TRIP12: variants seen among roughly 807,000 people sequenced by gnomAD.
The protein encoded by TRIP12 is thyroid hormone receptor interactor 12.
A neutral mutation model predicts 244.2 loss-of-function variants in TRIP12; 25 were observed. The observed-to-expected ratio is 0.10, with a 90% CI of 0.07 to 0.14. TRIP12 has a LOEUF of 0.14. Ranked by LOEUF, TRIP12 falls within the 10% of genes least tolerant of loss-of-function variation. The pLI, the probability that TRIP12 is intolerant of heterozygous loss-of-function variation, is 1.00. For synonymous variants in TRIP12, 905 were observed against 873.1 expected (o/e 1.04, Z -0.64); for missense variants, 1,677 against 2,486.4 (o/e 0.67, Z 6.92).
chr2:229,781,438 A>G (rs535550655), intron 34 of TRIP12, among the ~76,000 whole-genome samples: 3 of 152,202 alleles, frequency 2.0e-5, no homozygotes, highest in Non-Finnish European at 4.4e-5. Flanking sequence ...CAACATGAGG[A>G]GGCAGCTGCA....
At chr2:229,798,000 G>A (rs1375221713) in intron 23 of TRIP12, among the ~76,000 whole-genome samples, 169 bp from the exon 24 acceptor site, 3 of 152,286 alleles carry the variant, frequency 2.0e-5, no homozygotes, top group South Asian at 2.1e-4. Context: ...AATGGGCTAC[G>A]ATGTACCACC....
chr2:229,854,360 A>C (rs142595255), intron 4 of TRIP12, among the ~76,000 whole-genome samples: 58 of 152,354 alleles, frequency 3.8e-4, no homozygotes, highest in African/African-American at 1.4e-3. Flanking sequence ...ACCAATGGCC[A>C]GGACTTACTG....
At chr2:229,846,481 T>G (rs2057606862) in intron 4 of TRIP12, among the ~76,000 whole-genome samples, 1 of 152,210 alleles carries the variant, frequency 6.6e-6, no homozygotes, top group African/African-American at 2.4e-5. Context: ...GACACAATGC[T>G]ATTTATTGCA....
chr2:229,889,102 C>G (rs892439643), intron 1 of TRIP12, among the ~76,000 whole-genome samples: 4 of 152,110 alleles, frequency 2.6e-5, no homozygotes, highest in Non-Finnish European at 5.9e-5. Context: ...TAACAGGATC[C>G]CGCAGGGGGA....
intron 9 of TRIP12, among the ~76,000 whole-genome samples, chr2:229,816,486 C>A (rs1210643721): frequency 6.6e-6 from 1 of 152,140 alleles, no homozygotes; most frequent in South Asian, 2.1e-4. Flanking sequence ...TAAACAGATA[C>A]CCTTTCACCA....
chr2:229,840,813 AC>A lies in TRIP12; in HGVS notation c.1133+8del, dbSNP rs751737424. 4.3e-5 allele frequency: 66 copies of A among 1,541,430 alleles called. No homozygotes were observed. Among genetic ancestry groups the A allele is most frequent in the South Asian group, 2.6e-4 (21 of 80,626 alleles). ...ATGAACTCACTATAAAAAAAAAAAA[AC>A]AAATTACCTGGTACTAGCACAGGAG... On this transcript the variant is annotated splice_region_variant and intron_variant, in intron 5 of 41. Transcript: ENST00000675903.
chr2:229,776,754 T>A (rs2036387593), intron 37 of TRIP12, among the ~76,000 whole-genome samples: 2 of 152,240 alleles, frequency 1.3e-5, no homozygotes, highest in African/African-American at 4.8e-5. Context: ...CCATTATTAA[T>A]CTCAGATTGA....
At chr2:229,877,871 T>C (rs1437709703) in intron 2 of TRIP12, among the ~76,000 whole-genome samples, 1 of 152,188 alleles carries the variant, frequency 6.6e-6, no homozygotes, top group Admixed American at 6.5e-5. Context: ...TTCAAAATAA[T>C]CTAAAATGAA....
In TRIP12 at chr2:229,867,109, GT is replaced by G. The variant is rs925224612; in HGVS notation, c.99-6579del. ...ACACACATAGAGGGTTTTTTTTTTT[GT>G]TTTTTTTTTTAAGTGTAGGCTATGG... is the stretch of plus-strand genomic sequence containing the variant. On this transcript the variant is annotated intron_variant, in intron 2 of 41. Coordinates refer to ENST00000675903, the MANE Select transcript of TRIP12 (RefSeq NM_001348323.3). Among the ~76,000 whole-genome samples the G allele has an allele frequency of 3.0e-4, 30 of 100,616 alleles. No individual in the cohort carries two copies. In the South Asian group the frequency reaches 3.4e-3, roughly 11 times the overall value. 66.0% of individuals were successfully genotyped at this position (100,616 alleles called of 152,430 possible). A position where few individuals can be genotyped will look rare whatever the true frequency, so the allele number is the denominator to read the frequency against.
intron 15 of TRIP12, among the ~76,000 whole-genome samples, chr2:229,809,301 AT>A: frequency 6.6e-6 from 1 of 152,194 alleles, no homozygotes; most frequent in South Asian, 2.1e-4. Context: ...CATTATAAGG[AT>A]TTTATTTTTT....
intron 5 of TRIP12, among the ~76,000 whole-genome samples, chr2:229,839,678 CAAA>C (rs1228213948): frequency 1.1e-5 from 1 of 94,972 alleles, no homozygotes; most frequent in African/African-American, 4.0e-5. Context: ...GACTCCATCT[CAAA>C]AAAAAAAAAA....
chr2:229,791,667 T>C (rs2041573981), intron 29 of TRIP12, 199 bp downstream of exon 29: 1 of 602,888 alleles, frequency 1.7e-6, no homozygotes, highest in Admixed American at 3.1e-5. Flanking sequence ...TGGATATACA[T>C]TTTCCGGTAG....
chr2:229,779,454 C>T lies in TRIP12; in HGVS notation c.5095-464G>A, dbSNP rs564002159. Among the ~76,000 whole-genome samples the T allele has an allele frequency of 9.8e-5, 15 of 152,340 alleles. No homozygotes were observed. The South Asian group carries it at 3.1e-3, about 32-fold the overall frequency. On this transcript the variant is annotated intron_variant, in intron 34 of 41. Transcript: ENST00000675903. ...TATTTTTCAGCTACTTAAATACTTA[C>T]TACATGACTTTACCACAATTTCAGT...
intron 33 of TRIP12, 91 bp from the exon 34 acceptor site, chr2:229,785,946 A>G: frequency 8.5e-7 from 1 of 1,174,508 alleles, no homozygotes; most frequent in Non-Finnish European, 1.2e-6. Flanking sequence ...CAAAAGAACA[A>G]GATCAACTCA....
intron 4 of TRIP12, among the ~76,000 whole-genome samples, chr2:229,843,052 C>T (rs544633652): frequency 6.7e-6 from 1 of 149,320 alleles, no homozygotes; most frequent in African/African-American, 2.5e-5. Context: ...TTCTCTCTTT[C>T]TCTCTCTCTC....
chr2:229,897,035 T>C (rs950666723), intron 1 of TRIP12, among the ~76,000 whole-genome samples: 3 of 152,170 alleles, frequency 2.0e-5, no homozygotes, highest in African/African-American at 7.2e-5. Context: ...GTGGGGGATG[T>C]TGATCACAGG....
At chr2:229,795,122 A>G in intron 26 of TRIP12, 57 bp downstream of exon 26, 1 of 1,566,480 alleles carries the variant, frequency 6.4e-7, no homozygotes, top group Non-Finnish European at 8.7e-7. Context: ...ATCTTACTTC[A>G]GTGAAATTAA....
At chr2:229,824,364 C>A (rs2050915151) in intron 8 of TRIP12, among the ~76,000 whole-genome samples, 1 of 152,158 alleles carries the variant, frequency 6.6e-6, no homozygotes, top group South Asian at 2.1e-4. Context: ...CAAAATGGTG[C>A]AACTCCAAAT....
intron 18 of TRIP12, 85 bp from the exon 19 acceptor site, chr2:229,804,312 G>A (rs757528466): frequency 7.5e-6 from 9 of 1,197,980 alleles, no homozygotes; most frequent in African/African-American, 6.2e-5. Flanking sequence ...ACTCAAGCCA[G>A]TGTAATTCTT....
Sources: gnomAD v4.1 joint callset for allele counts (sites outside exome capture counted in the v4.1 genomes callset) on GRCh38, gnomAD v4.1.1 for gene constraint, MANE v1.5 for transcripts, NCBI Gene and HGNC (gene_info 2026-07-23, HGNC 2026-07-21) for gene names.